Variants in IL1RAPL1 observed in about 807,000 individuals in gnomAD.
IL1RAPL1 encodes interleukin 1 receptor accessory protein like 1.
IL1RAPL1 carries 3 observed loss-of-function variants against 48.4 expected under a neutral mutation model. The ratio of observed to expected loss-of-function variants is 0.06; its 90% confidence interval spans 0.03 to 0.16. The LOEUF (loss-of-function observed/expected upper bound fraction) is 0.16. Among genes scored for constraint, IL1RAPL1 ranks in the 10% least tolerant of loss-of-function variants. The pLI, the probability that IL1RAPL1 is intolerant of heterozygous loss-of-function variation, is 1.00. For synonymous variants in IL1RAPL1, 185 were observed against 187.7 expected, an observed-to-expected ratio of 0.99 and a Z score of 0.12; for missense variants, 349 against 530.6, an observed-to-expected ratio of 0.66 and a Z score of 3.36.
chrX:28,950,822 T>C (rs1178358703), intron 2 of IL1RAPL1, among the ~76,000 whole-genome samples: 8 of 107,410 alleles, frequency 7.4e-5, no homozygotes, highest in Non-Finnish European at 1.3e-4. Flanking sequence ...CACATGCACA[T>C]GTATGTTTAT....
intron 2 of IL1RAPL1, among the ~76,000 whole-genome samples, chrX:29,135,975 G>C (rs1044912593): frequency 8.9e-6 from 1 of 111,747 alleles, no homozygotes; most frequent in African/African-American, 3.3e-5. Flanking sequence ...GACCTCAAGT[G>C]ATCTGCCTGC....
At chrX:29,422,647 A>G (rs1934304460) in intron 5 of IL1RAPL1, among the ~76,000 whole-genome samples, 1 of 111,953 alleles carries the variant, frequency 8.9e-6, no homozygotes, top group Non-Finnish European at 1.9e-5. Context: ...CTAAAATGCC[A>G]AGGGCAAGTT....
chrX:29,908,376 AT>A lies in IL1RAPL1; in HGVS notation c.779-9087del, dbSNP rs1231515989. ...AACATAGCAAGACCCCATTTCAAAA[AT>A]ATATATATATATATATATAAGCAAA... is the stretch of plus-strand genomic sequence containing the variant. On this transcript the variant is annotated intron_variant, in intron 6 of 10. Coordinates refer to ENST00000378993, the MANE Select transcript of IL1RAPL1 (RefSeq NM_014271.4). 4.7e-4 allele frequency among the ~76,000 whole-genome samples: 22 copies of A among 46,646 alleles called. No homozygotes were observed. The African/African-American group carries it at 5.4e-3, about 12-fold the overall frequency. The allele number at this position is 46,646 out of a possible 115,157, so 40.5% of individuals were successfully genotyped here. A position where few individuals can be genotyped will look rare whatever the true frequency, so the allele number is the denominator to read the frequency against.
chrX:28,653,190 C>G (rs1194000244), intron 1 of IL1RAPL1, among the ~76,000 whole-genome samples: 1 of 111,398 alleles, frequency 9.0e-6, no homozygotes, highest in African/African-American at 3.3e-5. Context: ...TTAAAGCTTT[C>G]TTGGCCAGGT....
At chrX:29,905,820 A>C (rs759001548) in intron 6 of IL1RAPL1, among the ~76,000 whole-genome samples, 1 of 111,614 alleles carries the variant, frequency 9.0e-6, no homozygotes. Context: ...GAATGAATAC[A>C]TGTTAAAAAA....
intron 4 of IL1RAPL1, among the ~76,000 whole-genome samples, 199 bp from the exon 5 acceptor site, chrX:29,398,956 G>A (rs980049269): frequency 8.9e-6 from 1 of 112,222 alleles, no homozygotes; most frequent in Admixed American, 9.5e-5. Flanking sequence ...ATAATGACCA[G>A]TGCAACTTGC....
chrX:29,594,447 A>G (rs1488963555), intron 5 of IL1RAPL1, among the ~76,000 whole-genome samples: 1 of 111,508 alleles, frequency 9.0e-6, no homozygotes, highest in Non-Finnish European at 1.9e-5. Flanking sequence ...GTATATCTGA[A>G]TACTTGCTTA....
At chrX:29,937,980 C>G (rs1198571559) in intron 8 of IL1RAPL1, among the ~76,000 whole-genome samples, 1 of 110,909 alleles carries the variant, frequency 9.0e-6, no homozygotes, top group African/African-American at 3.3e-5. Context: ...ATGTTTGTAC[C>G]CTAAAGGAGT....
At chrX:29,735,461 C>T (rs1928020420) in intron 6 of IL1RAPL1, among the ~76,000 whole-genome samples, 1 of 112,101 alleles carries the variant, frequency 8.9e-6, no homozygotes, top group Non-Finnish European at 1.9e-5. Context: ...ATGTGGATAT[C>T]TTTGGGGGAC....
At chrX:28,588,165 T>TATTG (rs1421354731) in intron 1 of IL1RAPL1, 118 bp downstream of exon 1, 1 of 99,277 alleles carries the variant, frequency 1.0e-5, no homozygotes, top group African/African-American at 3.8e-5. Flanking sequence ...ATGTGGCCGT[T>TATTG]ATTGGCACTG....
intron 2 of IL1RAPL1, among the ~76,000 whole-genome samples, chrX:29,137,358 T>C (rs1287313792): frequency 8.9e-6 from 1 of 111,893 alleles, no homozygotes; most frequent in Non-Finnish European, 1.9e-5. Flanking sequence ...AATGGTGATT[T>C]GTTTTATACA....
intron 5 of IL1RAPL1, among the ~76,000 whole-genome samples, chrX:29,501,795 GT>G (rs36045396): frequency 0.34 from 27,366 of 80,341 alleles, 4,087 homozygotes; most frequent in East Asian, 0.65. Context: ...GCTTATTTGA[GT>G]TTTTTTTTTT....
intron 6 of IL1RAPL1, among the ~76,000 whole-genome samples, chrX:29,710,044 T>A (rs769607910): frequency 6.2e-5 from 7 of 112,137 alleles, no homozygotes; most frequent in Middle Eastern, 4.6e-3. Flanking sequence ...GTATCTCGAT[T>A]CTAATAGATT....
chrX:29,331,421 A>G (rs1932884553), intron 3 of IL1RAPL1, among the ~76,000 whole-genome samples: 1 of 110,727 alleles, frequency 9.0e-6, no homozygotes, highest in Non-Finnish European at 1.9e-5. Context: ...CTCATAGAAG[A>G]CCCCTTTACT....
At chrX:29,816,191 A>G (rs888546631) in intron 6 of IL1RAPL1, among the ~76,000 whole-genome samples, 1 of 111,237 alleles carries the variant, frequency 9.0e-6, no homozygotes, top group African/African-American at 3.3e-5. Flanking sequence ...TCAACAAAGA[A>G]AAACAGAGAG....
rs774682848 is a variant in IL1RAPL1 at position 28,881,695 on chromosome X, G to A, written c.82+92270G>A. On this transcript the variant is annotated intron_variant, in intron 2 of 10. Transcript: ENST00000378993. ...TGAAGACATACAAACTATAAAAAAA[G>A]AACAAAAATTTTGGACTTGAAGAAT... Among the ~76,000 whole-genome samples, 9 of 110,967 alleles carry A rather than the reference G, an allele frequency of 8.1e-5. No individual in the cohort carries two copies. In the South Asian group the frequency reaches 3.4e-3, roughly 42 times the overall value.
intron 5 of IL1RAPL1, among the ~76,000 whole-genome samples, chrX:29,438,617 CT>C (rs1180563296): frequency 5.4e-5 from 6 of 110,786 alleles, no homozygotes; most frequent in African/African-American, 2.0e-4. Context: ...TTTTACATTC[CT>C]TGAAACATTT....
intron 3 of IL1RAPL1, among the ~76,000 whole-genome samples, chrX:29,387,237 G>C (rs537377584): frequency 8.9e-6 from 1 of 112,014 alleles, no homozygotes; most frequent in South Asian, 3.7e-4. Context: ...GAGCACTTCT[G>C]GTTTGCGTTT....
intron 5 of IL1RAPL1, among the ~76,000 whole-genome samples, chrX:29,529,105 C>T (rs1194377007): frequency 1.8e-5 from 2 of 110,424 alleles, no homozygotes; most frequent in Admixed American, 1.9e-4. Context: ...TATAATTGGT[C>T]TGTAGTTTTA....
Sources: allele counts gnomAD v4.1 joint callset (sites outside exome capture counted in the v4.1 genomes callset), GRCh38; gene constraint gnomAD v4.1.1; transcripts MANE v1.5; gene names NCBI Gene and HGNC (gene_info 2026-07-23, HGNC 2026-07-21).